The following NCOA2 variants were observed in gnomAD, a reference collection of about 807,000 sequenced individuals.
NCOA2 encodes nuclear receptor coactivator 2.
In NCOA2, 21 loss-of-function variants were observed where a neutral mutation model predicts 145.1. That is an observed-to-expected ratio of 0.14 (90% CI 0.10 to 0.21). The LOEUF (loss-of-function observed/expected upper bound fraction) is 0.21. NCOA2 is among the 10% of genes least tolerant of loss of function. NCOA2 has a pLI of 1.00. For missense variants in NCOA2, 1,472 were observed against 1,837.6 expected (o/e 0.80, Z 3.64); for synonymous variants, 619 against 637.5 (o/e 0.97, Z 0.44).
intron 1 of NCOA2, among the ~76,000 whole-genome samples, chr8:70,357,868 T>A (rs1040542485): frequency 6.6e-6 from 1 of 151,700 alleles, no homozygotes; most frequent in Admixed American, 6.6e-5. Context: ...CTGGGCAACA[T>A]GGTGAAATCC....
intron 1 of NCOA2, among the ~76,000 whole-genome samples, chr8:70,397,317 G>C (rs548282547): frequency 6.6e-6 from 1 of 152,188 alleles, no homozygotes; most frequent in African/African-American, 2.4e-5. Flanking sequence ...TCTGGGAGTG[G>C]TGACATGTGA....
At chr8:70,263,658 G>A (rs1457474199) in intron 2 of NCOA2, among the ~76,000 whole-genome samples, 1 of 151,876 alleles carries the variant, frequency 6.6e-6, no homozygotes, top group Non-Finnish European at 1.5e-5. Context: ...GAACCCGGGA[G>A]GCGGAGCTTG....
intron 2 of NCOA2, among the ~76,000 whole-genome samples, chr8:70,264,847 T>A (rs1233422706): frequency 6.6e-6 from 1 of 151,876 alleles, no homozygotes; most frequent in Non-Finnish European, 1.5e-5. Flanking sequence ...AAAAAACCCA[T>A]AATGTTATAG....
At chr8:70,123,520 C>T (rs1808058708) in intron 21 of NCOA2, among the ~76,000 whole-genome samples, 1 of 151,926 alleles carries the variant, frequency 6.6e-6, no homozygotes, top group Non-Finnish European at 1.5e-5. Flanking sequence ...CTCTATCAAA[C>T]AAAACAAAAC....
intron 14 of NCOA2, among the ~76,000 whole-genome samples, chr8:70,139,171 A>C (rs1810089210): frequency 6.6e-6 from 1 of 152,238 alleles, no homozygotes; most frequent in African/African-American, 2.4e-5. Context: ...TGAGCTTTTA[A>C]AAATTATATT....
intron 2 of NCOA2, among the ~76,000 whole-genome samples, chr8:70,269,961 G>A (rs1225681720): frequency 6.6e-6 from 1 of 152,116 alleles, no homozygotes; most frequent in Non-Finnish European, 1.5e-5. Flanking sequence ...CAGTAAAAAT[G>A]TTTCATTTAT....
chr8:70,183,849 A>G (rs1345904426), intron 4 of NCOA2, among the ~76,000 whole-genome samples: 1 of 152,114 alleles, frequency 6.6e-6, no homozygotes, highest in Admixed American at 6.5e-5. Context: ...GTAAGAAATG[A>G]CTTTTTATTT....
intron 2 of NCOA2, among the ~76,000 whole-genome samples, chr8:70,220,808 A>C (rs1331628574): frequency 6.6e-6 from 1 of 152,236 alleles, no homozygotes; most frequent in Non-Finnish European, 1.5e-5. Flanking sequence ...ATCTTTTATC[A>C]AGACAGCCTA....
At chr8:70,147,173 C>T (rs565220416) in intron 12 of NCOA2, among the ~76,000 whole-genome samples, 4 of 151,456 alleles carry the variant, frequency 2.6e-5, no homozygotes, top group Non-Finnish European at 4.4e-5. Context: ...TGCTCTGTCG[C>T]CCAGGCTGGA....
At chr8:70,411,126 G>A in the NCOA2 span, among the ~76,000 whole-genome samples, 1 of 152,140 alleles carries the variant, frequency 6.6e-6, no homozygotes, top group South Asian at 2.1e-4. Context: ...AAGTTCCCCA[G>A]TATAATGAAG....
intron 1 of NCOA2, among the ~76,000 whole-genome samples, chr8:70,377,586 T>C (rs1222997119): frequency 6.6e-6 from 1 of 152,188 alleles, no homozygotes; most frequent in East Asian, 1.9e-4. Context: ...AATCACATTT[T>C]TCAAATCAAA....
intron 1 of NCOA2, among the ~76,000 whole-genome samples, chr8:70,299,017 G>C (rs932832705): frequency 3.9e-5 from 6 of 151,984 alleles, no homozygotes; most frequent in African/African-American, 1.4e-4. Flanking sequence ...CCGAGATCGC[G>C]CCACTATACT....
At chr8:70,330,339 G>A (rs1033296599) in intron 1 of NCOA2, among the ~76,000 whole-genome samples, 4 of 152,122 alleles carry the variant, frequency 2.6e-5, no homozygotes, top group South Asian at 4.2e-4. Context: ...GAAGGCCAAC[G>A]CAGAGGGATC....
At position 70,141,398 on chromosome 8, in the gene NCOA2, T is replaced by C; in HGVS notation, c.2814A>G (p.Gly938=). 1 of 1,613,438 alleles carries C rather than the reference T, an allele frequency of 6.2e-7. No individual in the cohort carries two copies. The highest frequency in any genetic ancestry group is 8.5e-7 in the Non-Finnish European group (1 of 1,179,630). The part of the protein sequence containing the change: ...NQGNLGNSST[G]MIGNSASRPT... ...GCCGAGAAGCACTGTTACCAATCAT[T>C]CCTGCATGCAAGCCAAAGAAAACTG... The change falls in exon 14 of 23, where the codon GGA becomes GGG. Residue 938 remains glycine (G), a splice_region_variant and synonymous_variant. Transcript: ENST00000452400.
intron 22 of NCOA2, among the ~76,000 whole-genome samples, chr8:70,117,351 C>T (rs1471764586): frequency 6.6e-6 from 1 of 152,234 alleles, no homozygotes. Context: ...ACCTTAAATA[C>T]CTACGAAGGG....
At chr8:70,433,747 T>C in the NCOA2 span, among the ~76,000 whole-genome samples, 18 of 152,306 alleles carry the variant, frequency 1.2e-4, no homozygotes, top group African/African-American at 4.1e-4. Context: ...GGTCACTCGC[T>C]GAATGTGACC....
intron 1 of NCOA2, among the ~76,000 whole-genome samples, chr8:70,376,369 GCACACACACA>G (rs146722946): frequency 1.4e-5 from 2 of 147,230 alleles, no homozygotes; most frequent in East Asian, 2.0e-4. Flanking sequence ...ACACACACAC[GCACACACACA>G]CACACACACA....
chr8:70,453,554 G>A, the NCOA2 span, among the ~76,000 whole-genome samples: 1 of 152,230 alleles, frequency 6.6e-6, no homozygotes, highest in Non-Finnish European at 1.5e-5. Context: ...TAAGTAGAAA[G>A]CTATGCTCAG....
the NCOA2 span, among the ~76,000 whole-genome samples, chr8:70,421,821 G>T: frequency 2.8e-4 from 43 of 151,588 alleles, no homozygotes; most frequent in Admixed American, 2.8e-3. Context: ...TATGCCAGGC[G>T]CAGTGGCTCA....
Sources: allele counts gnomAD v4.1 joint callset (sites outside exome capture counted in the v4.1 genomes callset), GRCh38; gene constraint gnomAD v4.1.1; transcripts MANE v1.5; gene names NCBI Gene and HGNC (gene_info 2026-07-23, HGNC 2026-07-21).